NEDD4: variants seen among roughly 807,000 people sequenced by gnomAD.
NEDD4 encodes the protein NEDD4 E3 ubiquitin protein ligase.
Under a neutral mutation model 144.9 loss-of-function variants are expected in NEDD4, and 99 were observed. The observed-to-expected ratio is 0.68, with a 90% CI of 0.58 to 0.81. The LOEUF (loss-of-function observed/expected upper bound fraction) is 0.81. Among genes scored for constraint, NEDD4 ranks in the 30% least tolerant of loss-of-function variants. The pLI, the probability that NEDD4 is intolerant of heterozygous loss-of-function variation, is 0.00. For synonymous variants in NEDD4, 318 were observed against 350.6 expected, an observed-to-expected ratio of 0.91 and a Z score of 1.04; for missense variants, 985 against 1,065.9, an observed-to-expected ratio of 0.92 and a Z score of 1.06.
rs111359928 is a variant in NEDD4 at position 55,983,303 on chromosome 15, T to TGCGCGC, written c.45+10202_45+10207dup. On this transcript the variant is annotated intron_variant, in intron 1 of 28. Transcript: ENST00000435532. Reference sequence around the variant, plus strand: ...CGACAATGGTGTGTGTGTGTGTGCGTGCGCGCGCGTGCGTGCATTTGATTT... The same window carrying TGCGCGC: ...CGACAATGGTGTGTGTGTGTGTGCGTGCGCGCGCGCGCGCGTGCGTGCATTTGATTT... Among the ~76,000 whole-genome samples, 13 of 151,398 alleles carry TGCGCGC rather than the reference T, an allele frequency of 8.6e-5. No individual in the cohort carries two copies. The East Asian group carries it at 2.3e-3, about 27-fold the overall frequency.
rs977566591 is a variant in NEDD4 at position 55,878,172 on chromosome 15, C to T, written c.292-4164G>A. On this transcript the variant is annotated intron_variant, in intron 5 of 28. Coordinates refer to ENST00000435532, the MANE Select transcript of NEDD4 (RefSeq NM_006154.4). ...AAGATAAAGGTATGGAAAAAATAAT[C>T]AGGTATACAGTAAGTATAAGTGGCT... Among the ~76,000 whole-genome samples the T allele has an allele frequency of 2.0e-5, 3 of 152,012 alleles. No homozygotes were observed. In the South Asian group the frequency reaches 6.2e-4, roughly 32 times the overall value.
intron 5 of NEDD4, among the ~76,000 whole-genome samples, chr15:55,886,677 G>C (rs750150433): frequency 1.3e-5 from 2 of 150,748 alleles, no homozygotes; most frequent in Non-Finnish European, 2.9e-5. Flanking sequence ...AGAACTGCTT[G>C]AACCCAGGAG....
chr15:55,829,695 C>A lies in NEDD4; in HGVS notation c.*202G>T. 2.1e-6 allele frequency: 1 copy of A among 471,320 alleles called. No homozygotes were observed. The allele number at this position is 471,320 out of a possible 1,614,324, so 29.2% of individuals were successfully genotyped here. A position where few individuals can be genotyped will look rare whatever the true frequency, so the allele number is the denominator to read the frequency against. ...ACCTAACTCTAAAGACAGCATGAAA[C>A]AACTGTGTAAATGCAACACATTATT... On this transcript the variant is annotated 3_prime_UTR_variant, in exon 29 of 29. Transcript: ENST00000435532.
At chr15:55,969,008 G>A (rs527284896) in intron 1 of NEDD4, among the ~76,000 whole-genome samples, 5 of 152,238 alleles carry the variant, frequency 3.3e-5, no homozygotes, top group East Asian at 1.9e-4. Context: ...TTTCAACATC[G>A]TATCAAGGAA....
At chr15:55,851,246 T>A (rs1430836027) in intron 13 of NEDD4, among the ~76,000 whole-genome samples, 3 of 152,174 alleles carry the variant, frequency 2.0e-5, no homozygotes, top group Admixed American at 6.5e-5. Context: ...TGAAATGCAA[T>A]ATATTCATGA....
At chr15:55,912,126 A>G (rs1225019442) in intron 5 of NEDD4, among the ~76,000 whole-genome samples, 1 of 152,242 alleles carries the variant, frequency 6.6e-6, no homozygotes, top group Non-Finnish European at 1.5e-5. Flanking sequence ...ACATTGTGGC[A>G]TCACATTTTA....
intron 7 of NEDD4, 80 bp from the exon 8 acceptor site, chr15:55,869,761 C>A (rs2034708963): frequency 1.1e-6 from 1 of 881,260 alleles, no homozygotes; most frequent in South Asian, 1.5e-5. Flanking sequence ...TAATGAACAC[C>A]CACTAGGTAC....
chr15:55,845,328 G>C (rs2033695275), intron 18 of NEDD4, among the ~76,000 whole-genome samples: 1 of 152,040 alleles, frequency 6.6e-6, no homozygotes, highest in African/African-American at 2.4e-5. Flanking sequence ...AGACCACTTA[G>C]CTTTTCTACT....
chr15:55,961,144 T>G (rs1286303590), intron 2 of NEDD4, among the ~76,000 whole-genome samples: 1 of 152,156 alleles, frequency 6.6e-6, no homozygotes, highest in East Asian at 1.9e-4. Flanking sequence ...AAGTTTGCTG[T>G]GAGAGGGACA....
chr15:55,988,219 C>A (rs1484986046), intron 1 of NEDD4, among the ~76,000 whole-genome samples: 1 of 129,434 alleles, frequency 7.7e-6, no homozygotes, highest in African/African-American at 3.0e-5. Flanking sequence ...TAAACTATCG[C>A]AAGAACAAAA....
Position 55,913,626 on chromosome 15 carries a change from A to G in NEDD4, c.291+11020T>C, listed in dbSNP as rs548009210. Among the ~76,000 whole-genome samples the G allele has an allele frequency of 3.9e-5, 6 of 152,160 alleles. No homozygotes were observed. In the South Asian group the frequency reaches 1.2e-3, roughly 32 times the overall value. On this transcript the variant is annotated intron_variant, in intron 5 of 28. Transcript: ENST00000435532. ...CAAAAGATAGAATCTGCACAAAGTT[A>G]TACATTTGATTGTCACAAAAAATAT...
chr15:55,969,823 C>T (rs1294834967), intron 1 of NEDD4, among the ~76,000 whole-genome samples: 1 of 152,018 alleles, frequency 6.6e-6, no homozygotes, highest in African/African-American at 2.4e-5. Context: ...CGGGTGTGAT[C>T]CAACACATTC....
chr15:55,874,865 T>C (rs926605832), intron 5 of NEDD4, among the ~76,000 whole-genome samples: 1 of 151,972 alleles, frequency 6.6e-6, no homozygotes, highest in African/African-American at 2.4e-5. Flanking sequence ...TCCCAGCTAC[T>C]TGGGAGGCTG....
chr15:55,918,891 C>T (rs1369916104), intron 5 of NEDD4, among the ~76,000 whole-genome samples: 5 of 152,094 alleles, frequency 3.3e-5, no homozygotes, highest in African/African-American at 7.2e-5. Flanking sequence ...ATGACTTCAG[C>T]GTTCTTTCTG....
At chr15:55,834,812 G>A (rs986958551) in intron 24 of NEDD4, among the ~76,000 whole-genome samples, 2 of 152,132 alleles carry the variant, frequency 1.3e-5, no homozygotes, top group Admixed American at 1.3e-4. Context: ...CAGTAGGTAA[G>A]TGTAAGTTCT....
At chr15:55,882,206 C>T (rs906614702) in intron 5 of NEDD4, among the ~76,000 whole-genome samples, 3 of 152,116 alleles carry the variant, frequency 2.0e-5, no homozygotes, top group Non-Finnish European at 1.5e-5. Context: ...TTCATAAGAA[C>T]CAAAAATCAG....
In NEDD4 at chr15:55,833,055, A is replaced by G; in HGVS notation, c.2480T>C (p.Val827Ala). ...CATAGGCACCCGAGATGTGCCAGTG[A>G]CAAACTGAAGTAATCTTATTCTTTT... is the stretch of plus-strand genomic sequence containing the variant. The part of the protein sequence containing the change: ...SEKRIRLLQF[V>A]TGTSRVPMNG... The change falls in exon 27 of 29, where the codon GTC (valine) becomes GCC (alanine). Residue 827 changes from valine (V) to alanine (A), a missense_variant. Val to Ala is a moderately conservative substitution (Grantham distance 64, BLOSUM62 0). Coordinates refer to ENST00000435532, the MANE Select transcript of NEDD4 (RefSeq NM_006154.4). 6.2e-7 allele frequency: 1 copy of G among 1,613,738 alleles called. No individual in the cohort carries two copies. The highest frequency in any genetic ancestry group is 1.1e-5 in the South Asian group (1 of 91,066).
chr15:55,911,172 C>T (rs2036261022), intron 5 of NEDD4, among the ~76,000 whole-genome samples: 2 of 152,146 alleles, frequency 1.3e-5, no homozygotes, highest in African/African-American at 2.4e-5. Context: ...CCCTAGGGGA[C>T]ATCTGGCAAT....
At chr15:55,976,466 G>C (rs1327834938) in intron 1 of NEDD4, among the ~76,000 whole-genome samples, 5 of 152,078 alleles carry the variant, frequency 3.3e-5, no homozygotes, top group Non-Finnish European at 5.9e-5. Context: ...ACAAGTATTT[G>C]AAAAGGTGCT....
Sources: allele counts gnomAD v4.1 joint callset (sites outside exome capture counted in the v4.1 genomes callset), GRCh38; gene constraint gnomAD v4.1.1; transcripts MANE v1.5; gene names NCBI Gene and HGNC (gene_info 2026-07-23, HGNC 2026-07-21).